NRG3: variants seen among roughly 807,000 people sequenced by gnomAD.
NRG3 encodes pro-neuregulin-3, membrane-bound isoform.
Under a neutral mutation model 66.9 loss-of-function variants are expected in NRG3, and 31 were observed. The ratio of observed to expected loss-of-function variants is 0.46; its 90% CI spans 0.35 to 0.63. The LOEUF (loss-of-function observed/expected upper bound fraction) is 0.63. Ranked by LOEUF, NRG3 falls within the 20% of genes least tolerant of loss-of-function variation. NRG3 has a pLI of 0.00. For synonymous variants in NRG3, 393 were observed against 359.4 expected (o/e 1.09, Z -1.06); for missense variants, 910 against 878.9 (o/e 1.04, Z -0.45).
intron 1 of NRG3, among the ~76,000 whole-genome samples, chr10:82,276,438 T>G (rs1228328790): frequency 6.6e-6 from 1 of 152,012 alleles, no homozygotes; most frequent in Non-Finnish European, 1.5e-5. Context: ...TTTCATAAGT[T>G]ATTGTATAAT....
chr10:82,760,039 T>G (rs1431128462), intron 3 of NRG3, among the ~76,000 whole-genome samples: 5 of 152,088 alleles, frequency 3.3e-5, no homozygotes, highest in African/African-American at 1.2e-4. Flanking sequence ...TGCCCTCAAT[T>G]TTATCAGAGG....
At chr10:82,116,193 G>A (rs907276231) in intron 1 of NRG3, among the ~76,000 whole-genome samples, 1 of 151,940 alleles carries the variant, frequency 6.6e-6, no homozygotes. Context: ...TTAGATCCAG[G>A]TGGATTTGAT....
At position 82,556,148 on chromosome 10, in the gene NRG3, G is replaced by A. The variant is rs140570574; in HGVS notation, c.954-182429G>A. On this transcript the variant is annotated intron_variant, in intron 2 of 8. Coordinates refer to ENST00000372141, the MANE Select transcript of NRG3 (RefSeq NM_001010848.4). ...TTTTTGGTTACATCTCACTTTTCAG[G>A]ATTCTTCCTGTCTCTCAGGCTGTAT... 3.8e-3 allele frequency among the ~76,000 whole-genome samples: 578 copies of A among 152,138 alleles called. 5 individuals are homozygous for A. The highest frequency in any genetic ancestry group is 0.014 in the African/African-American group (568 of 41,516).
chr10:82,648,264 C>T (rs2051117994), intron 2 of NRG3, among the ~76,000 whole-genome samples: 1 of 152,052 alleles, frequency 6.6e-6, no homozygotes, highest in Non-Finnish European at 1.5e-5. Context: ...AATAGGGAAT[C>T]GTTTCCCCAT....
At chr10:82,170,937 T>C (rs184829146) in intron 1 of NRG3, among the ~76,000 whole-genome samples, 90 of 151,742 alleles carry the variant, frequency 5.9e-4, no homozygotes, top group Non-Finnish European at 1.1e-3. Context: ...CATTTCTATG[T>C]TAATTTGATT....
chr10:82,424,919 G>T (rs1325065928), intron 2 of NRG3, among the ~76,000 whole-genome samples: 2 of 151,758 alleles, frequency 1.3e-5, no homozygotes, highest in Non-Finnish European at 2.9e-5. Flanking sequence ...AATTGTCTTA[G>T]CACCCATATA....
At chr10:82,722,035 C>T (rs928177050) in intron 2 of NRG3, among the ~76,000 whole-genome samples, 2 of 151,700 alleles carry the variant, frequency 1.3e-5, no homozygotes, top group Non-Finnish European at 2.9e-5. Flanking sequence ...AACATATGTT[C>T]TCACTGGAAA....
chr10:82,914,516 T>C (rs1845645144), intron 4 of NRG3, among the ~76,000 whole-genome samples: 1 of 152,180 alleles, frequency 6.6e-6, no homozygotes, highest in African/African-American at 2.4e-5. Context: ...AATTTCCTTC[T>C]GATGCCCTTG....
intron 2 of NRG3, among the ~76,000 whole-genome samples, chr10:82,607,938 C>T (rs1026696877): frequency 4.6e-5 from 7 of 152,102 alleles, no homozygotes; most frequent in African/African-American, 1.7e-4. Flanking sequence ...GTTACAATGA[C>T]CAAATACTTT....
intron 2 of NRG3, among the ~76,000 whole-genome samples, chr10:82,433,931 G>C (rs143298977): frequency 0.028 from 4,257 of 152,262 alleles, 87 homozygotes; most frequent in South Asian, 0.047. Context: ...TGGCTATACA[G>C]GGTCTTCTTT....
chr10:81,948,126 C>T (rs1849012769), intron 1 of NRG3, among the ~76,000 whole-genome samples: 1 of 152,110 alleles, frequency 6.6e-6, no homozygotes, highest in African/African-American at 2.4e-5. Context: ...TATTCTTGTA[C>T]TTTTTCTTCT....
intron 1 of NRG3, among the ~76,000 whole-genome samples, 197 bp downstream of exon 1, chr10:81,876,360 G>A (rs1383988460): frequency 6.6e-6 from 1 of 152,168 alleles, no homozygotes; most frequent in Non-Finnish European, 1.5e-5. Flanking sequence ...GGGGGTGGGG[G>A]CGTGTAGGAA....
At chr10:82,836,783 G>T (rs1179609354) in intron 3 of NRG3, among the ~76,000 whole-genome samples, 1 of 151,072 alleles carries the variant, frequency 6.6e-6, no homozygotes, top group East Asian at 1.9e-4. Flanking sequence ...TACACAACGT[G>T]CAGGTTAGTT....
chr10:82,007,666 C>A (rs185848804), intron 1 of NRG3, among the ~76,000 whole-genome samples: 1 of 152,068 alleles, frequency 6.6e-6, no homozygotes, highest in Non-Finnish European at 1.5e-5. Flanking sequence ...TTATATAATT[C>A]TTAATTCTTT....
At chr10:82,873,015 T>G (rs1423408583) in intron 4 of NRG3, among the ~76,000 whole-genome samples, 2 of 152,076 alleles carry the variant, frequency 1.3e-5, no homozygotes. Flanking sequence ...TTGAGTAGAT[T>G]TATTAATTTT....
chr10:82,545,661 G>A (rs982707761), intron 2 of NRG3, among the ~76,000 whole-genome samples: 1 of 151,776 alleles, frequency 6.6e-6, no homozygotes, highest in African/African-American at 2.4e-5. Flanking sequence ...GATTACAGGC[G>A]TGAGCCACCG....
chr10:82,182,221 G>A (rs1260100431), intron 1 of NRG3, among the ~76,000 whole-genome samples: 1 of 151,116 alleles, frequency 6.6e-6, no homozygotes, highest in East Asian at 1.9e-4. Context: ...TTCTGATTGA[G>A]GAGTTTAATG....
chr10:82,681,671 T>C (rs1348887669), intron 2 of NRG3, among the ~76,000 whole-genome samples: 1 of 152,246 alleles, frequency 6.6e-6, no homozygotes, highest in Non-Finnish European at 1.5e-5. Flanking sequence ...GTTACTCTTT[T>C]GGTTTCATTG....
At chr10:82,575,064 G>C (rs905843138) in intron 2 of NRG3, among the ~76,000 whole-genome samples, 2 of 151,648 alleles carry the variant, frequency 1.3e-5, no homozygotes, top group Non-Finnish European at 3.0e-5. Context: ...TTGCAGAGTG[G>C]ATAGTGTTAT....
Sources: gnomAD v4.1 joint callset for allele counts (sites outside exome capture counted in the v4.1 genomes callset) on GRCh38, gnomAD v4.1.1 for gene constraint, MANE v1.5 for transcripts, NCBI Gene and HGNC (gene_info 2026-07-23, HGNC 2026-07-21) for gene names.